NR2C1: variants seen among roughly 807,000 people sequenced by gnomAD.
The protein encoded by NR2C1 is TR2 nuclear hormone receptor.
NR2C1 carries 33 observed loss-of-function variants against 74.8 expected under a neutral mutation model. The ratio of observed to expected loss-of-function variants is 0.44; its 90% CI spans 0.33 to 0.59. The LOEUF is 0.59. Among genes scored for constraint, NR2C1 ranks in the 20% least tolerant of loss-of-function variants. The pLI, the probability that NR2C1 is intolerant of heterozygous loss-of-function variation, is 0.02. For missense variants in NR2C1, 568 were observed against 715.6 expected, an observed-to-expected ratio of 0.79 and a Z score of 2.35; for synonymous variants, 225 against 240.6, an observed-to-expected ratio of 0.94 and a Z score of 0.60.
chr12:95,021,380 G>A lies in NR2C1; in HGVS notation c.*849C>T, dbSNP rs1027668839. On this transcript the variant is annotated 3_prime_UTR_variant, in exon 14 of 14. Coordinates refer to ENST00000333003, the MANE Select transcript of NR2C1 (RefSeq NM_003297.4). ...AAGACAGCAGTAGGCCAGGCACGGT[G>A]GCACGCGCCTGTAATCCCAGTACTT... 6.6e-6 allele frequency: 1 copy of A among 151,832 alleles called. No individual in the cohort carries two copies. Among genetic ancestry groups the A allele is most frequent in the African/African-American group, 2.4e-5 (1 of 41,352 alleles). The allele number at this position is 151,832 out of a possible 1,614,324, so 9.4% of individuals were successfully genotyped here. A position where few individuals can be genotyped will look rare whatever the true frequency, so the allele number is the denominator to read the frequency against.
chr12:95,046,984 C>T (rs1323195457), intron 9 of NR2C1, among the ~76,000 whole-genome samples: 1 of 151,996 alleles, frequency 6.6e-6, no homozygotes, highest in Non-Finnish European at 1.5e-5. Flanking sequence ...AAAGCCAATC[C>T]TAAGAAGAAA....
rs375858198 is a variant in NR2C1 at position 95,044,847 on chromosome 12, A to C, written c.1131+4221T>G. Among the ~76,000 whole-genome samples, 158 of 152,252 alleles carry C rather than the reference A, an allele frequency of 1.0e-3. 1 individual carries two copies. The highest frequency in any genetic ancestry group is 3.6e-3 in the African/African-American group (151 of 41,566). On this transcript the variant is annotated intron_variant, in intron 9 of 13. Coordinates refer to ENST00000333003, the MANE Select transcript of NR2C1 (RefSeq NM_003297.4). Reference sequence around the variant, plus strand: ...CAGTGAGTCGCGATCATGCCACTGCACTCCAGCCTGGGCTATAGAGCCAGT... The same window carrying C: ...CAGTGAGTCGCGATCATGCCACTGCCCTCCAGCCTGGGCTATAGAGCCAGT...
At chr12:95,050,920 G>C (rs1872913080) in intron 8 of NR2C1, among the ~76,000 whole-genome samples, 1 of 152,000 alleles carries the variant, frequency 6.6e-6, no homozygotes, top group South Asian at 2.1e-4. Context: ...AGAAATTGAG[G>C]AGCAGGATCA....
intron 1 of NR2C1, chr12:95,072,874 C>T (rs1293864287): frequency 2.0e-5 from 3 of 152,248 alleles, no homozygotes; most frequent in African/African-American, 7.2e-5. Context: ...GTCATTCTGT[C>T]CGTCCCGTGA....
At chr12:95,023,545 C>T (rs1277310498) in intron 13 of NR2C1, among the ~76,000 whole-genome samples, 1 of 152,196 alleles carries the variant, frequency 6.6e-6, no homozygotes, top group African/African-American at 2.4e-5. Flanking sequence ...AATGTGGAAT[C>T]AAGACCGCTG....
intron 10 of NR2C1, among the ~76,000 whole-genome samples, chr12:95,032,089 A>G (rs1157544661): frequency 6.6e-6 from 1 of 152,194 alleles, no homozygotes; most frequent in Non-Finnish European, 1.5e-5. Context: ...GCTGGTCTTG[A>G]ACTCCTGACC....
chr12:95,025,462 C>T (rs1300064158), intron 12 of NR2C1: 1 of 334,098 alleles, frequency 3.0e-6, no homozygotes, highest in African/African-American at 2.2e-5. Context: ...AGTTCAAGAC[C>T]AGCCTGACCA....
intron 13 of NR2C1, among the ~76,000 whole-genome samples, chr12:95,024,545 T>TTCATAAACCATGTTTCAA (rs1161291595): frequency 9.8e-5 from 15 of 152,352 alleles, no homozygotes; most frequent in African/African-American, 3.6e-4. Context: ...TGGAGTGAAT[T>TTCATAAACCATGTTTCAA]TCATAAACCA....
At position 95,040,500 on chromosome 12, in the gene NR2C1, G is replaced by C. The variant is rs773398562; in HGVS notation, c.1229C>G (p.Ser410Trp). 1 of 1,613,560 alleles carries C rather than the reference G, an allele frequency of 6.2e-7. No individual in the cohort carries two copies. The highest frequency in any genetic ancestry group is 1.3e-5 in the African/African-American group (1 of 74,906). ...LLFLSMHWAL[S>W]IPSFQALGQE... Reference sequence around the variant, plus strand: ...CCCTAGAGCCTGGAAAGAAGGAATCGAAAGTGCCCAGTGCATTGATAAGAA... The same window carrying C: ...CCCTAGAGCCTGGAAAGAAGGAATCCAAAGTGCCCAGTGCATTGATAAGAA... The change falls in exon 10 of 14, where the codon TCG becomes TGG. Residue 410 changes from serine to tryptophan, a missense_variant. By Grantham distance (177) the Ser-to-Trp change is radical (BLOSUM62 -3). Around this residue, in one of 6 missense-constraint regions of NR2C1, gnomAD observed 39 missense variants for 64.6 expected, o/e 0.60. Transcript: ENST00000333003.
In NR2C1 at chr12:95,029,719, G is replaced by A. The variant is rs147183974; in HGVS notation, c.1394-1195C>T. ...TTACAGGCGCTTGCCACCACGCCTG[G>A]CTAATTTTTTTGTATTTTTAGTAGA... On this transcript the variant is annotated intron_variant, in intron 11 of 13. Transcript: ENST00000333003. 3.2e-3 allele frequency among the ~76,000 whole-genome samples: 492 copies of A among 151,792 alleles called. 2 individuals carry two copies. The highest frequency in any genetic ancestry group is 0.011 in the African/African-American group (466 of 41,322).
At chr12:95,049,324 TA>T in intron 8 of NR2C1, 91 bp from the exon 9 acceptor site, 2 of 1,351,710 alleles carry the variant, frequency 1.5e-6, no homozygotes. Flanking sequence ...GATTTAAGCC[TA>T]AAAAACTGGC....
chr12:95,022,740 A>T (rs1193711691), intron 13 of NR2C1, among the ~76,000 whole-genome samples: 2 of 149,624 alleles, frequency 1.3e-5, no homozygotes, highest in Admixed American at 1.3e-4. Flanking sequence ...GCTCTGCTGC[A>T]CAAACTGGAG....
chr12:95,045,740 T>C (rs933545325), intron 9 of NR2C1, among the ~76,000 whole-genome samples: 1 of 152,214 alleles, frequency 6.6e-6, no homozygotes, highest in Non-Finnish European at 1.5e-5. Flanking sequence ...AATGGGAATA[T>C]GATCTACCAT....
intron 7 of NR2C1, among the ~76,000 whole-genome samples, chr12:95,052,464 C>CT (rs1565860488): frequency 2.0e-5 from 3 of 151,936 alleles, no homozygotes; most frequent in South Asian, 4.2e-4. Flanking sequence ...GTATATGTTA[C>CT]TTTTTTTTAA....
rs1212508313 is a variant in NR2C1 at position 95,020,245 on chromosome 12, TA to T, written c.*1983del. 1 of 152,122 alleles carries T rather than the reference TA, an allele frequency of 6.6e-6. No individual in the cohort carries two copies. The highest frequency in any genetic ancestry group is 1.5e-5 in the Non-Finnish European group (1 of 68,022). 9.4% of individuals were successfully genotyped at this position (152,122 alleles called of 1,614,324 possible). The stretch of plus-strand genomic sequence containing the variant: ...AGCAATCACTGAAAAGGAAAATGAA[TA>T]ATATATTTACAAATATACTGGTAAG... On this transcript the variant is annotated 3_prime_UTR_variant, in exon 14 of 14. Transcript: ENST00000333003.
intron 1 of NR2C1, among the ~76,000 whole-genome samples, chr12:95,068,145 T>C (rs1178029052): frequency 2.6e-5 from 4 of 152,178 alleles, no homozygotes; most frequent in Non-Finnish European, 4.4e-5. Flanking sequence ...CCCAAAGTGC[T>C]GGGATTACAG....
At chr12:95,026,031 C>T (rs545968827) in intron 12 of NR2C1, among the ~76,000 whole-genome samples, 1 of 151,684 alleles carries the variant, frequency 6.6e-6, no homozygotes, top group East Asian at 1.9e-4. Context: ...CATGGTGAAA[C>T]CCCGTCTCTA....
chr12:95,066,386 CA>C (rs1394161248), intron 2 of NR2C1, among the ~76,000 whole-genome samples: 4 of 151,918 alleles, frequency 2.6e-5, no homozygotes, highest in Non-Finnish European at 4.4e-5. Flanking sequence ...AAAATGGCCA[CA>C]AAAAATCAGC....
intron 10 of NR2C1, among the ~76,000 whole-genome samples, chr12:95,037,894 CAAAAAAAAAAA>C (rs988473049): frequency 4.5e-5 from 3 of 67,074 alleles, no homozygotes; most frequent in Middle Eastern, 6.9e-3. Context: ...GCCTCCATCT[CAAAAAAAAAAA>C]AAAAAAAAAA....
Sources: gnomAD v4.1 joint callset for allele counts (sites outside exome capture counted in the v4.1 genomes callset) on GRCh38, gnomAD v4.1.1 for gene constraint, gnomAD v4.1.1 regional missense constraint, MANE v1.5 for transcripts, NCBI Gene and HGNC (gene_info 2026-07-23, HGNC 2026-07-21) for gene names.